The following ODF2 variants were observed in gnomAD, a reference collection of about 807,000 sequenced individuals.
ODF2 encodes outer dense fiber of sperm tails 2.
In ODF2, 47 loss-of-function variants were observed where a neutral mutation model predicts 110.2. The ratio of observed to expected loss-of-function variants is 0.43; its 90% confidence interval spans 0.34 to 0.54. ODF2 has a LOEUF of 0.54. Ranked by LOEUF, ODF2 falls within the 20% of genes least tolerant of loss-of-function variation. The probability of loss-of-function intolerance (pLI) is 0.03; values close to 1 mark genes in which losing one functional copy is unlikely to be tolerated. For synonymous variants in ODF2, 352 were observed against 397.7 expected, an observed-to-expected ratio of 0.89 and a Z score of 1.37; for missense variants, 812 against 1,054.5, an observed-to-expected ratio of 0.77 and a Z score of 3.19.
At chr9:128,474,671 A>C (rs1330471912) in intron 8 of ODF2, among the ~76,000 whole-genome samples, 3 of 151,014 alleles carry the variant, frequency 2.0e-5, no homozygotes, top group African/African-American at 7.3e-5. Flanking sequence ...AAAAAAAAAA[A>C]ACATGTCTGG....
At chr9:128,462,825 C>T (rs922613325) in intron 4 of ODF2, among the ~76,000 whole-genome samples, 1 of 151,652 alleles carries the variant, frequency 6.6e-6, no homozygotes, top group African/African-American at 2.4e-5. Context: ...GATCTCCTGA[C>T]CTCATGATCC....
intron 6 of ODF2, among the ~76,000 whole-genome samples, chr9:128,472,593 C>T (rs776537406): frequency 3.3e-5 from 5 of 152,040 alleles, no homozygotes; most frequent in Admixed American, 6.6e-5. Flanking sequence ...GGCTCAAAAT[C>T]GTATCTGAAG....
chr9:128,499,602 T>C (rs1386650981), intron 20 of ODF2, among the ~76,000 whole-genome samples: 1 of 151,288 alleles, frequency 6.6e-6, no homozygotes, highest in Non-Finnish European at 1.5e-5. Context: ...GACTCACGTT[T>C]TGTTTTGTTT....
At chr9:128,463,636 T>G (rs761846552) in intron 4 of ODF2, among the ~76,000 whole-genome samples, 3 of 152,138 alleles carry the variant, frequency 2.0e-5, no homozygotes, top group Non-Finnish European at 4.4e-5. Flanking sequence ...TAATGAAGCA[T>G]GGAGATGCAC....
At chr9:128,467,761 A>AAT (rs1180593172) in intron 4 of ODF2, among the ~76,000 whole-genome samples, 1 of 151,544 alleles carries the variant, frequency 6.6e-6, no homozygotes, top group African/African-American at 2.4e-5. Context: ...AAAAAAAAAA[A>AAT]AGCAAAGTGT....
At chr9:128,473,547 C>A in intron 7 of ODF2, 63 bp from the exon 8 acceptor site, 1 of 1,596,720 alleles carries the variant, frequency 6.3e-7, no homozygotes. Context: ...CTCTTGAGTG[C>A]CCATGGGGCC....
intron 4 of ODF2, among the ~76,000 whole-genome samples, chr9:128,463,709 C>T (rs967113943): frequency 1.8e-4 from 16 of 87,932 alleles, no homozygotes; most frequent in African/African-American, 8.4e-4. Flanking sequence ...CATGTATAAA[C>T]GCATATGTTT....
At chr9:128,459,001 C>T (rs1008829968) in intron 2 of ODF2, among the ~76,000 whole-genome samples, 5 of 152,046 alleles carry the variant, frequency 3.3e-5, no homozygotes, top group African/African-American at 7.2e-5. Flanking sequence ...CACGCCACCA[C>T]GCCAAGCTAA....
At chr9:128,460,403 T>C in intron 3 of ODF2, 147 bp from the exon 3 acceptor site, 1 of 1,440,384 alleles carries the variant, frequency 6.9e-7, no homozygotes, top group Non-Finnish European at 9.3e-7. Flanking sequence ...CCTTACTCCC[T>C]GCCTGCATGC....
chr9:128,468,968 G>T (rs1839024441), intron 4 of ODF2: 1 of 534,738 alleles, frequency 1.9e-6, no homozygotes, highest in Admixed American at 3.5e-5. Flanking sequence ...TGTAGCCCAA[G>T]CTTTTAATTT....
rs1353780830 is a variant in ODF2, at chr9:128,485,485, G to A, written c.1400+11G>A. The A allele has an allele frequency of 1.4e-6, 2 of 1,435,020 alleles. No homozygotes were observed. The highest frequency in any genetic ancestry group is 1.2e-5 in the South Asian group (1 of 86,426). 88.9% of individuals were successfully genotyped at this position (1,435,020 alleles called of 1,614,324 possible). On this transcript the variant is annotated intron_variant, in intron 13 of 20. Coordinates refer to ENST00000604420, the Ensembl canonical transcript of ODF2. This position sits in a 1 kb window ranked among gnomAD's most constrained non-coding sequence, Gnocchi z 5.0. ...TATTGTCCTGAATGAGTACGTCTTAGAGTAGGAGAGGGAATGTGGCGCTGT... is the reference window on the plus strand; with the variant it reads ...TATTGTCCTGAATGAGTACGTCTTAAAGTAGGAGAGGGAATGTGGCGCTGT...
At chr9:128,468,626 G>A (rs749561351) in intron 4 of ODF2, among the ~76,000 whole-genome samples, 1 of 152,068 alleles carries the variant, frequency 6.6e-6, no homozygotes, top group Non-Finnish European at 1.5e-5. Flanking sequence ...GGGTTCAAGC[G>A]ATCCTCCAGC....
chr9:128,478,358 G>A (rs564354375), intron 8 of ODF2, among the ~76,000 whole-genome samples: 1 of 152,194 alleles, frequency 6.6e-6, no homozygotes, highest in South Asian at 2.1e-4. Flanking sequence ...AGCACTTTGG[G>A]AGGCCGAGGT....
intron 4 of ODF2, among the ~76,000 whole-genome samples, chr9:128,467,694 G>A (rs956516292): frequency 7.2e-6 from 1 of 138,260 alleles, no homozygotes; most frequent in Non-Finnish European, 1.5e-5. Context: ...GCAGTGAGCC[G>A]AGATGGCACT....
chr9:128,459,686 C>CT (rs1564453926), intron 3 of ODF2, 29 bp downstream of exon 2: 4 of 1,549,180 alleles, frequency 2.6e-6, no homozygotes, highest in Non-Finnish European at 1.8e-6. Context: ...TAGCAGCCCT[C>CT]TTTGGTCACC....
At chr9:128,490,879 T>C (rs1026965886) in intron 14 of ODF2, among the ~76,000 whole-genome samples, 1 of 152,236 alleles carries the variant, frequency 6.6e-6, no homozygotes, top group Non-Finnish European at 1.5e-5. Context: ...ATGATTTATA[T>C]TGTCCCATTT....
upstream of ODF2, chr9:128,456,125 A>C: frequency 6.5e-7 from 1 of 1,547,824 alleles, no homozygotes; most frequent in South Asian, 1.2e-5. Context: ...TCGGAAAAGG[A>C]GGCGGAAGCG....
intron 5 of ODF2, among the ~76,000 whole-genome samples, chr9:128,470,008 AAAAAAAAAAAATATATATATATATAT>A (rs1564475680): frequency 2.9e-5 from 1 of 35,004 alleles, no homozygotes; most frequent in Non-Finnish European, 5.2e-5. Context: ...AAAAAAAAAA[AAAAAAAAAAAATATATATATATATAT>A]ATATATATAT....
At chr9:128,482,211 T>G (rs1467460855) in intron 9 of ODF2, among the ~76,000 whole-genome samples, 1 of 152,206 alleles carries the variant, frequency 6.6e-6, no homozygotes, top group Non-Finnish European at 1.5e-5. Flanking sequence ...TTTGTAAGTC[T>G]CCAAGAGAGG....
Sources: allele counts gnomAD v4.1 joint callset (sites outside exome capture counted in the v4.1 genomes callset), GRCh38; gene constraint gnomAD v4.1.1; non-coding constraint Gnocchi (gnomAD v3.1); transcripts MANE v1.5; gene names NCBI Gene and HGNC (gene_info 2026-07-23, HGNC 2026-07-21).